Variants in MGAM observed in about 807,000 individuals in gnomAD.
MGAM encodes the protein maltase-glucoamylase, also known as alpha-1,4-glucosidase.
In MGAM, 253 loss-of-function variants were observed where a neutral mutation model predicts 358.8. That is an observed-to-expected ratio of 0.71 (90% CI 0.64 to 0.78). MGAM has a LOEUF of 0.78. MGAM is among the 30% of genes least tolerant of loss of function. The pLI, the probability that MGAM is intolerant of heterozygous loss-of-function variation, is 0.00. For synonymous variants in MGAM, 1,105 were observed against 1,227.1 expected (o/e 0.90, Z 2.08); for missense variants, 3,080 against 3,432.6 (o/e 0.90, Z 2.57).
chr7:142,062,800 G>A, intron 35 of MGAM, 98 bp downstream of exon 35: 1 of 1,551,064 alleles, frequency 6.4e-7, no homozygotes, highest in Non-Finnish European at 8.7e-7. Flanking sequence ...GATAGTCATT[G>A]TCCAAAGAAG....
chr7:142,030,513 C>T lies in MGAM; in HGVS notation c.1353+20C>T, dbSNP rs1807383849. 2.5e-6 allele frequency: 4 copies of T among 1,613,110 alleles called. No homozygotes were observed. The highest frequency in any genetic ancestry group is 3.4e-6 in the Non-Finnish European group (4 of 1,179,484). On this transcript the variant is annotated intron_variant, in intron 11 of 70. Coordinates refer to ENST00000475668, the MANE Select transcript of MGAM (RefSeq NM_001365693.1). ...ATTGTGGTATGTACTGCCCTCTTTC[C>T]ACCAAATTAGGTATTTGCTCCTCCG...
Position 142,005,535 on chromosome 7 carries a change from C to A in MGAM, c.5C>A (p.Ala2Glu). Residue 2 changes from alanine (A) to glutamate (E), a missense_variant, in exon 2 of 71, where the codon GCA becomes GAA. By Grantham distance (107) the Ala-to-Glu change is moderately radical. This residue lies in a region of MGAM where 1,816 missense variants were observed against 1,840.5 expected (regional missense o/e 0.99). Transcript: ENST00000475668. Reference sequence around the variant, plus strand: ...GTTTTCTCTTACATTTTAGAGATGGCAAGAAAGAAGCTGAAAAAATTTACT... The same window carrying A: ...GTTTTCTCTTACATTTTAGAGATGGAAAGAAAGAAGCTGAAAAAATTTACT... M[A>E]RKKLKKFTTL... The A allele has an allele frequency of 6.5e-7, 1 of 1,538,630 alleles. No individual in the cohort carries two copies. The highest frequency in any genetic ancestry group is 1.3e-5 in the South Asian group (1 of 79,486).
chr7:142,022,191 A>T lies in MGAM; in HGVS notation c.711-77A>T. 5.1e-6 allele frequency: 7 copies of T among 1,364,614 alleles called. No homozygotes were observed. In the South Asian group the frequency reaches 1.0e-4, roughly 20 times the overall value. 84.5% of individuals were successfully genotyped at this position (1,364,614 alleles called of 1,614,324 possible). On this transcript the variant is annotated intron_variant, in intron 6 of 70. Coordinates refer to ENST00000475668, the MANE Select transcript of MGAM (RefSeq NM_001365693.1). ...GGGGCTATTGAGTCACTGAGATATAAAGGACGCTTTTCTAAGCACTTACGT... is the reference window on the plus strand; with the variant it reads ...GGGGCTATTGAGTCACTGAGATATATAGGACGCTTTTCTAAGCACTTACGT...
At chr7:142,100,739 A>G (rs892778024) in intron 67 of MGAM, 63 bp from the exon 68 acceptor site, 1 of 1,395,022 alleles carries the variant, frequency 7.2e-7, no homozygotes, top group African/African-American at 1.4e-5. Flanking sequence ...GTTTGTATGT[A>G]AAGTCTTGGT....
chr7:142,100,895 G>C lies in MGAM; in HGVS notation c.7963+5G>C, dbSNP rs1816385038. The C allele has an allele frequency of 6.2e-7, 1 of 1,611,788 alleles. No homozygotes were observed. The highest frequency in any genetic ancestry group is 1.1e-5 in the South Asian group (1 of 90,346). On this transcript the variant is annotated splice_donor_5th_base_variant and intron_variant, in intron 68 of 70. Transcript: ENST00000475668. ...GGGATGATGGGCAAAGCATTGGTGA[G>C]TAGAGGTTGCCTGAGATTCATGCTG...
At chr7:142,041,895 A>AAT (rs1230785108) in intron 21 of MGAM, among the ~76,000 whole-genome samples, 1,090 of 39,642 alleles carry the variant, frequency 0.027, 57 homozygotes, top group Middle Eastern at 0.091. Context: ...TATAATATAT[A>AAT]ATATATATAT....
At chr7:142,042,071 T>A (rs1584973805) in intron 21 of MGAM, among the ~76,000 whole-genome samples, 1 of 71,844 alleles carries the variant, frequency 1.4e-5, no homozygotes, top group Non-Finnish European at 2.4e-5. Context: ...ATATAATATA[T>A]AACATACAAT....
intron 17 of MGAM, 63 bp from the exon 18 acceptor site, chr7:142,036,759 AT>A: frequency 6.6e-7 from 1 of 1,521,682 alleles, no homozygotes; most frequent in Non-Finnish European, 9.0e-7. Flanking sequence ...GAGGTCTGGA[AT>A]TCTGCAGGTG....
Position 142,046,330 on chromosome 7 carries a change from T to C in MGAM, c.2499-1455T>C, listed in dbSNP as rs544653281. 3.3e-5 allele frequency among the ~76,000 whole-genome samples: 5 copies of C among 151,916 alleles called. No homozygotes were observed. In the South Asian group the frequency reaches 1.0e-3, roughly 31 times the overall value. ...TTAACTTTGTTGACTTTCTTTCATG[T>C]TGACTTATTACCTTGTGTGCTTGGT... On this transcript the variant is annotated intron_variant, in intron 21 of 70. Coordinates refer to ENST00000475668, the MANE Select transcript of MGAM (RefSeq NM_001365693.1).
chr7:142,054,647 T>C lies in MGAM; in HGVS notation c.3160-107T>C, dbSNP rs2961082. Reference sequence around the variant, plus strand: ...TAAATCTCAGATATCATAAAGAAGATAGAAACATAGCATCTGAACTTTGTG... The same window carrying C: ...TAAATCTCAGATATCATAAAGAAGACAGAAACATAGCATCTGAACTTTGTG... On this transcript the variant is annotated intron_variant, in intron 26 of 70. Transcript: ENST00000475668. 3.0e-4 allele frequency: 365 copies of C among 1,199,820 alleles called. 1 individual carries two copies. The highest frequency in any genetic ancestry group is 1.3e-4 in the South Asian group (8 of 62,944). 74.3% of individuals were successfully genotyped at this position (1,199,820 alleles called of 1,614,324 possible).
chr7:142,017,285 A>G (rs1264849907), intron 3 of MGAM, among the ~76,000 whole-genome samples: 1 of 152,130 alleles, frequency 6.6e-6, no homozygotes, highest in Non-Finnish European at 1.5e-5. Flanking sequence ...TTAAAGGGGC[A>G]TTTTGTGTCC....
At chr7:142,021,348 A>T (rs192539593) in intron 5 of MGAM, among the ~76,000 whole-genome samples, 31 of 152,312 alleles carry the variant, frequency 2.0e-4, no homozygotes, top group Middle Eastern at 3.4e-3. Context: ...TAGGAAGATA[A>T]AATAAGGAAG....
At chr7:142,002,435 T>C (rs1775443325) in intron 1 of MGAM, among the ~76,000 whole-genome samples, 1 of 152,078 alleles carries the variant, frequency 6.6e-6, no homozygotes, top group Admixed American at 6.6e-5. Context: ...ATTCCATAAA[T>C]GTGATTCATC....
chr7:142,021,233 A>G (rs1027609460), intron 5 of MGAM, 150 bp downstream of exon 5: 2 of 621,138 alleles, frequency 3.2e-6, no homozygotes, highest in Non-Finnish European at 5.5e-6. Flanking sequence ...TTAAAGACAT[A>G]TACAGAATAG....
At chr7:142,060,191 C>T in intron 33 of MGAM, 120 bp from the exon 34 acceptor site, 1 of 1,414,760 alleles carries the variant, frequency 7.1e-7, no homozygotes, top group Non-Finnish European at 9.8e-7. Flanking sequence ...TATGTCAATC[C>T]TATGTGATAG....
At chr7:142,036,380 C>T in intron 17 of MGAM, 95 bp downstream of exon 17, 1 of 884,848 alleles carries the variant, frequency 1.1e-6, no homozygotes, top group Non-Finnish European at 1.8e-6. Flanking sequence ...GAACCAACCT[C>T]TTACCTGGTC....
Position 142,027,259 on chromosome 7 carries a change from G to A in MGAM, c.1095+32G>A, listed in dbSNP as rs375109584. 276 of 1,508,418 alleles carry A rather than the reference G, an allele frequency of 1.8e-4. No individual in the cohort carries two copies. The African/African-American group carries it at 2.4e-3, about 13-fold the overall frequency. The allele number at this position is 1,508,418 out of a possible 1,614,324, so 93.4% of individuals were successfully genotyped here. On this transcript the variant is annotated intron_variant, in intron 9 of 70. Coordinates refer to ENST00000475668, the MANE Select transcript of MGAM (RefSeq NM_001365693.1). ...TTAGGATGTCAAGATTATGACTCAGGAAATCCTAAACAGCAAATATTTTAA... is the reference window on the plus strand; with the variant it reads ...TTAGGATGTCAAGATTATGACTCAGAAAATCCTAAACAGCAAATATTTTAA...
At chr7:142,057,050 T>C in intron 30 of MGAM, 108 bp downstream of exon 30, 1 of 966,254 alleles carries the variant, frequency 1.0e-6, no homozygotes, top group East Asian at 2.6e-5. Context: ...ATATTGGTCT[T>C]TCTTGGAGAG....
At chr7:142,056,483 C>G (rs1353945444) in intron 29 of MGAM, among the ~76,000 whole-genome samples, 8 of 152,246 alleles carry the variant, frequency 5.3e-5, no homozygotes, top group Admixed American at 1.3e-4. Context: ...TGCTCACTGT[C>G]CGGGTGAGGG....
Sources: gnomAD v4.1 joint callset for allele counts (sites outside exome capture counted in the v4.1 genomes callset) on GRCh38, gnomAD v4.1.1 for gene constraint, gnomAD v4.1.1 regional missense constraint, MANE v1.5 for transcripts, NCBI Gene and HGNC (gene_info 2026-07-23, HGNC 2026-07-21) for gene names.